GRB2: variants seen among roughly 807,000 people sequenced by gnomAD.
GRB2 encodes growth factor receptor-bound protein 2.
A neutral mutation model predicts 27.4 loss-of-function variants in GRB2; 2 were observed. The ratio of observed to expected loss-of-function variants is 0.07; its 90% CI spans 0.03 to 0.23. The LOEUF is 0.23. Ranked by LOEUF, GRB2 falls within the 10% of genes least tolerant of loss-of-function variation. The pLI is 1.00. For missense variants in GRB2, 102 were observed against 282.4 expected, an observed-to-expected ratio of 0.36 and a Z score of 4.58; for synonymous variants, 94 against 99.6, an observed-to-expected ratio of 0.94 and a Z score of 0.33.
At chr17:75,400,319 G>A (rs112841286) in intron 1 of GRB2, among the ~76,000 whole-genome samples, 3 of 152,132 alleles carry the variant, frequency 2.0e-5, no homozygotes, top group South Asian at 2.1e-4. Context: ...GACTATAGGC[G>A]TGCACCACCA....
chr17:75,333,144 T>C (rs1262660745), intron 2 of GRB2, among the ~76,000 whole-genome samples: 1 of 152,088 alleles, frequency 6.6e-6, no homozygotes, highest in African/African-American at 2.4e-5. Context: ...GGCGCGATCT[T>C]GGCTCACTGC....
At chr17:75,373,950 T>C (rs1325695920) in intron 2 of GRB2, among the ~76,000 whole-genome samples, 1 of 151,416 alleles carries the variant, frequency 6.6e-6, no homozygotes, top group Non-Finnish European at 1.5e-5. Flanking sequence ...CCCGCCACCA[T>C]GCCCGGCTAA....
Position 75,320,217 on chromosome 17 carries a change from A to G in GRB2, c.*151T>C. 5 of 615,696 alleles carry G rather than the reference A, an allele frequency of 8.1e-6. No homozygotes were observed. The highest frequency in any genetic ancestry group is 5.1e-5 in the South Asian group (2 of 39,290). 38.1% of individuals were successfully genotyped at this position (615,696 alleles called of 1,614,324 possible). On this transcript the variant is annotated 3_prime_UTR_variant, in exon 6 of 6. Coordinates refer to ENST00000316804, the MANE Select transcript of GRB2 (RefSeq NM_002086.5). The surrounding 1 kb of genome is among the most constrained non-coding windows in gnomAD (Gnocchi z 4.3). ...AATCCAACGCCCCCTCCCACCCCCTAAAGTTCCAACCAAAGTGAGAGGGTC... is the reference window on the plus strand; with the variant it reads ...AATCCAACGCCCCCTCCCACCCCCTGAAGTTCCAACCAAAGTGAGAGGGTC...
intron 2 of GRB2, among the ~76,000 whole-genome samples, chr17:75,382,222 C>CAAATA (rs2078933624): frequency 6.9e-6 from 1 of 145,864 alleles, no homozygotes; most frequent in Non-Finnish European, 1.5e-5. Flanking sequence ...ACTCCGTCTC[C>CAAATA]AAAAAAAAAA....
chr17:75,401,920 CTT>C lies in GRB2; in HGVS notation c.-138+3567_-138+3568del, dbSNP rs1406158817. Among the ~76,000 whole-genome samples the C allele has an allele frequency of 2.0e-5, 3 of 152,174 alleles. No homozygotes were observed. The East Asian group carries it at 5.8e-4, about 29-fold the overall frequency. On this transcript the variant is annotated intron_variant, in intron 1 of 5. Transcript: ENST00000316804. ...AGACCTTAACTAGTATTTTCAGTCTCTTTTCAAATACTAGCCTACATGTTCTA... is the reference window on the plus strand; with the variant it reads ...AGACCTTAACTAGTATTTTCAGTCTCTTCAAATACTAGCCTACATGTTCTA...
Position 75,320,199 on chromosome 17 carries a change from C to T in GRB2, c.*169G>A, listed in dbSNP as rs1317569296. On this transcript the variant is annotated 3_prime_UTR_variant, in exon 6 of 6. Coordinates refer to ENST00000316804, the MANE Select transcript of GRB2 (RefSeq NM_002086.5). This position sits in a 1 kb window ranked among gnomAD's most constrained non-coding sequence, Gnocchi z 4.3. The stretch of plus-strand genomic sequence containing the variant: ...TAAGTTTTGGCATTTTTAAATCCAA[C>T]GCCCCCTCCCACCCCCTAAAGTTCC... 8.7e-6 allele frequency: 5 copies of T among 572,326 alleles called. No homozygotes were observed. The highest frequency in any genetic ancestry group is 6.1e-5 in the Admixed American group (2 of 32,876). 35.5% of individuals were successfully genotyped at this position (572,326 alleles called of 1,614,324 possible). A position where few individuals can be genotyped will look rare whatever the true frequency, so the allele number is the denominator to read the frequency against.
In GRB2 at chr17:75,382,865, C is replaced by T. The variant is rs547519750; in HGVS notation, c.78+10686G>A. 3.3e-5 allele frequency among the ~76,000 whole-genome samples: 5 copies of T among 152,130 alleles called. No individual in the cohort carries two copies. The South Asian group carries it at 6.2e-4, about 19-fold the overall frequency. On this transcript the variant is annotated intron_variant, in intron 2 of 5. Transcript: ENST00000316804. ...CTGGGACTACAGGCGCCTGCCACCA[C>T]GCCCAGCTAATTTTTTGTATTTTTA...
intron 2 of GRB2, among the ~76,000 whole-genome samples, chr17:75,348,376 G>T (rs1226163496): frequency 6.6e-6 from 1 of 152,124 alleles, no homozygotes; most frequent in African/African-American, 2.4e-5. Context: ...GTTGAGAAAG[G>T]GGGTGAAGGT....
chr17:75,330,947 G>A (rs1379256643), intron 3 of GRB2, among the ~76,000 whole-genome samples: 1 of 152,092 alleles, frequency 6.6e-6, no homozygotes, highest in Non-Finnish European at 1.5e-5. Context: ...TGCTGCATTA[G>A]CTGACATGGT....
At chr17:75,384,232 A>C (rs1485235375) in intron 2 of GRB2, among the ~76,000 whole-genome samples, 2 of 152,228 alleles carry the variant, frequency 1.3e-5, no homozygotes, top group Non-Finnish European at 2.9e-5. Flanking sequence ...CTTCAGCCTA[A>C]GATTTAAAAT....
intron 2 of GRB2, chr17:75,372,920 T>G (rs1379879559): frequency 6.6e-6 from 1 of 152,154 alleles, no homozygotes; most frequent in Non-Finnish European, 1.5e-5. Flanking sequence ...AATTTGTCAC[T>G]ACAAAGGAAC....
At chr17:75,391,375 C>G (rs2078997220) in intron 2 of GRB2, among the ~76,000 whole-genome samples, 1 of 152,048 alleles carries the variant, frequency 6.6e-6, no homozygotes, top group Admixed American at 6.6e-5. Context: ...GATCTTCTTC[C>G]CTAATAATAG....
intron 2 of GRB2, among the ~76,000 whole-genome samples, chr17:75,368,911 C>T (rs2385264): frequency 0.66 from 100,543 of 152,134 alleles, 38,219 homozygotes; most frequent in East Asian, 0.91. Flanking sequence ...AACTGCTTCT[C>T]ATATACTTGC....
rs147314163 is a variant in GRB2, at chr17:75,383,352, A to G, written c.78+10199T>C. On this transcript the variant is annotated intron_variant, in intron 2 of 5. Transcript: ENST00000316804. Reference sequence around the variant, plus strand: ...ACTGTGCTTTCAGCTGAGCTCTGGGACAGGGCTGGAACAGTTCTGAGTCTG... The same window carrying G: ...ACTGTGCTTTCAGCTGAGCTCTGGGGCAGGGCTGGAACAGTTCTGAGTCTG... 1.1e-4 allele frequency among the ~76,000 whole-genome samples: 17 copies of G among 152,334 alleles called. 1 individual carries two copies. The East Asian group carries it at 2.7e-3, about 24-fold the overall frequency.
At chr17:75,348,317 C>T (rs1187273103) in intron 2 of GRB2, among the ~76,000 whole-genome samples, 2 of 152,090 alleles carry the variant, frequency 1.3e-5, no homozygotes, top group African/African-American at 4.8e-5. Context: ...AAGTGCTGGG[C>T]TATAGGCATG....
At chr17:75,386,102 T>TATG (rs1191949204) in intron 2 of GRB2, among the ~76,000 whole-genome samples, 2 of 152,132 alleles carry the variant, frequency 1.3e-5, no homozygotes, top group East Asian at 1.9e-4. Flanking sequence ...AAAACTTGTT[T>TATG]ATGAGTTTCT....
intron 2 of GRB2, among the ~76,000 whole-genome samples, chr17:75,350,672 T>TC (rs769657583): frequency 1.5e-4 from 23 of 152,144 alleles, no homozygotes; most frequent in Non-Finnish European, 3.1e-4. Context: ...TTTTGTATTT[T>TC]CAGTAGAGAC....
intron 2 of GRB2, among the ~76,000 whole-genome samples, chr17:75,376,179 T>C (rs866183029): frequency 6.7e-6 from 1 of 149,640 alleles, no homozygotes; most frequent in Non-Finnish European, 1.5e-5. Flanking sequence ...CCCATCTCTA[T>C]TGAAATACAA....
intron 2 of GRB2, among the ~76,000 whole-genome samples, chr17:75,344,995 A>AT (rs1448027123): frequency 1.0e-4 from 15 of 149,758 alleles, no homozygotes; most frequent in African/African-American, 3.7e-4. Flanking sequence ...AGGAGCTCAA[A>AT]CCTCTACCCT....
Sources: gnomAD v4.1 joint callset for allele counts (sites outside exome capture counted in the v4.1 genomes callset) on GRCh38, gnomAD v4.1.1 for gene constraint, Gnocchi (gnomAD v3.1) non-coding constraint, MANE v1.5 for transcripts, NCBI Gene and HGNC (gene_info 2026-07-23, HGNC 2026-07-21) for gene names.